The following ESRRG variants were observed in gnomAD, a reference collection of about 807,000 sequenced individuals.
ESRRG encodes the protein estrogen related receptor gamma.
A neutral mutation model predicts 44.0 loss-of-function variants in ESRRG; 13 were observed. That is an observed-to-expected ratio of 0.30 (90% confidence interval 0.19 to 0.47). ESRRG has a LOEUF of 0.47. Among genes scored for constraint, ESRRG ranks in the 20% least tolerant of loss-of-function variants. The pLI is 1.00. For missense variants in ESRRG, 395 were observed against 580.6 expected (o/e 0.68, Z 3.29); for synonymous variants, 215 against 214.6 (o/e 1.00, Z -0.02).
Position 216,965,160 on chromosome 1 carries a change from C to CTT in ESRRG, c.-105-25489_-105-25488dup, listed in dbSNP as rs34094121. ...TGCAACCGAAAAGTTACACATATGC[C>CTT]TTTTTTTTTTTCCTACTTCTTGACT... is the stretch of plus-strand genomic sequence containing the variant. On this transcript the variant is annotated intron_variant, in intron 1 of 7. Coordinates refer to the ESRRG transcript ENST00000359162. Among the ~76,000 whole-genome samples the CTT allele has an allele frequency of 1.7e-3, 254 of 147,884 alleles. 1 individual carries two copies. The highest frequency in any genetic ancestry group is 5.1e-3 in the African/African-American group (207 of 40,368).
Position 216,632,415 on chromosome 1 carries a change from T to C in ESRRG, c.589+18558A>G, listed in dbSNP as rs190179064. ...AGTAAAATAAACACAATCCTAGTTA[T>C]ATCTCATTTGAGTTGAAGTCTGACT... is the stretch of plus-strand genomic sequence containing the variant. On this transcript the variant is annotated intron_variant, in intron 3 of 6. Transcript: ENST00000408911. Among the ~76,000 whole-genome samples, 1,440 of 152,338 alleles carry C rather than the reference T, an allele frequency of 9.5e-3. 16 individuals carry two copies. Among genetic ancestry groups the C allele is most frequent in the Non-Finnish European group, 0.013 (885 of 68,020 alleles).
chr1:216,787,738 T>C (rs1416348405), intron 2 of ESRRG, among the ~76,000 whole-genome samples: 1 of 151,754 alleles, frequency 6.6e-6, no homozygotes, highest in Non-Finnish European at 1.5e-5. Flanking sequence ...AAAACCAAGA[T>C]AGGCCATAAG....
At chr1:217,014,318 T>C (rs578157540) in intron 1 of ESRRG, among the ~76,000 whole-genome samples, 1 of 152,224 alleles carries the variant, frequency 6.6e-6, no homozygotes, top group South Asian at 2.1e-4. Flanking sequence ...TCTTCTTTTG[T>C]CAGGCAAAGG....
chr1:217,093,991 TC>T (rs879328954), upstream of ESRRG, among the ~76,000 whole-genome samples: 36 of 152,186 alleles, frequency 2.4e-4, no homozygotes, highest in East Asian at 3.3e-3. Context: ...CAAGCAATCC[TC>T]CTGCCTCAGA....
chr1:217,119,072 T>C (rs1580623206), intron 1 of ESRRG, among the ~76,000 whole-genome samples: 1 of 151,134 alleles, frequency 6.6e-6, no homozygotes, highest in East Asian at 1.9e-4. Context: ...CAGATACAGA[T>C]AGATATATTT....
intron 3 of ESRRG, among the ~76,000 whole-genome samples, chr1:216,638,446 C>G (rs2065741259): frequency 6.6e-6 from 1 of 152,098 alleles, no homozygotes; most frequent in Admixed American, 6.6e-5. Context: ...AAAAATTAAA[C>G]AAAATTAGAG....
chr1:216,606,788 A>T (rs1455975287), intron 3 of ESRRG, among the ~76,000 whole-genome samples: 1 of 152,248 alleles, frequency 6.6e-6, no homozygotes, highest in Non-Finnish European at 1.5e-5. Flanking sequence ...AGAAAGAGAC[A>T]GTGTGGGAGC....
intron 3 of ESRRG, among the ~76,000 whole-genome samples, chr1:216,620,630 C>T (rs895040105): frequency 4.6e-5 from 7 of 152,166 alleles, no homozygotes; most frequent in African/African-American, 7.2e-5. Flanking sequence ...AATTCATTCA[C>T]ATTGCATTGT....
intron 1 of ESRRG, among the ~76,000 whole-genome samples, chr1:216,689,085 G>T (rs574935788): frequency 6.6e-6 from 1 of 152,260 alleles, no homozygotes; most frequent in South Asian, 2.1e-4. Context: ...GCAATAATGA[G>T]TCTGCAGAAC....
At chr1:217,078,897 G>A (rs768511765) in intron 1 of ESRRG, among the ~76,000 whole-genome samples, 2 of 152,062 alleles carry the variant, frequency 1.3e-5, no homozygotes, top group Non-Finnish European at 2.9e-5. Flanking sequence ...GTGTTGTCAG[G>A]GGCCATTTTA....
At chr1:216,760,101 T>A (rs1224253131) in intron 2 of ESRRG, among the ~76,000 whole-genome samples, 3 of 152,050 alleles carry the variant, frequency 2.0e-5, no homozygotes, top group East Asian at 1.9e-4. Flanking sequence ...GTAAGCACCA[T>A]GAGGGATAGG....
intron 1 of ESRRG, among the ~76,000 whole-genome samples, chr1:217,030,956 T>G (rs1191286266): frequency 6.6e-6 from 1 of 152,218 alleles, no homozygotes; most frequent in African/African-American, 2.4e-5. Flanking sequence ...ACCTGTTTAT[T>G]TTTACTTTTT....
chr1:217,033,636 G>A (rs1002510139), intron 1 of ESRRG, among the ~76,000 whole-genome samples: 10 of 152,124 alleles, frequency 6.6e-5, no homozygotes, highest in African/African-American at 2.4e-4. Context: ...TGTATGGCAT[G>A]TACATTATAT....
At chr1:216,565,080 T>C (rs919904734) in intron 4 of ESRRG, among the ~76,000 whole-genome samples, 11 of 152,224 alleles carry the variant, frequency 7.2e-5, no homozygotes, top group Non-Finnish European at 1.3e-4. Flanking sequence ...AATTCTTTAA[T>C]CCTCTATTTT....
At chr1:217,085,074 A>G (rs1050322721) in intron 1 of ESRRG, among the ~76,000 whole-genome samples, 1 of 149,334 alleles carries the variant, frequency 6.7e-6, no homozygotes, top group Admixed American at 6.7e-5. Flanking sequence ...CAAGCTAAGG[A>G]GAGAGTGGCC....
chr1:216,565,256 T>C (rs1229541576), intron 4 of ESRRG, among the ~76,000 whole-genome samples: 2 of 152,334 alleles, frequency 1.3e-5, no homozygotes, highest in Middle Eastern at 3.4e-3. Flanking sequence ...GAAGGGGCTG[T>C]AAAGTCTTGG....
chr1:216,660,245 G>T (rs571694015), intron 2 of ESRRG, among the ~76,000 whole-genome samples: 7 of 152,270 alleles, frequency 4.6e-5, no homozygotes, highest in South Asian at 2.1e-4. Flanking sequence ...GTTAACTGCA[G>T]AAATGAGACT....
At chr1:217,045,790 A>G (rs2084769316) in intron 1 of ESRRG, among the ~76,000 whole-genome samples, 1 of 151,860 alleles carries the variant, frequency 6.6e-6, no homozygotes, top group South Asian at 2.1e-4. Context: ...TTAAAATCCA[A>G]CCCTGAAAGC....
In ESRRG at chr1:217,097,534, G is replaced by A. The variant is rs924464600; in HGVS notation, c.-230+40133C>T. Among the ~76,000 whole-genome samples the A allele has an allele frequency of 4.6e-5, 7 of 152,322 alleles. No homozygotes were observed. In the East Asian group the frequency reaches 9.7e-4, roughly 21 times the overall value. Reference sequence around the variant, plus strand: ...AGGAGAAGCCACTGTAAATGTAAAGGAGGGCTGCACAACCGAATGTCCTGT... The same window carrying A: ...AGGAGAAGCCACTGTAAATGTAAAGAAGGGCTGCACAACCGAATGTCCTGT... On this transcript the variant is annotated intron_variant, in intron 1 of 8. Coordinates refer to the ESRRG transcript ENST00000366940.
Sources: gnomAD v4.1 joint callset for allele counts (sites outside exome capture counted in the v4.1 genomes callset) on GRCh38, gnomAD v4.1.1 for gene constraint, MANE v1.5 for transcripts, NCBI Gene and HGNC (gene_info 2026-07-23, HGNC 2026-07-21) for gene names.